The following ATG10 variants were observed in gnomAD, a reference collection of about 807,000 sequenced individuals.
ATG10 encodes the protein autophagy related 10, also known as ubiquitin-like-conjugating enzyme ATG10.
In ATG10, 30 loss-of-function variants were observed where a neutral mutation model predicts 32.1. That is an observed-to-expected ratio of 0.94 (90% confidence interval 0.70 to 1.27). The LOEUF (loss-of-function observed/expected upper bound fraction) is 1.27, where lower values mean the gene tolerates loss of function less well. Among genes scored for constraint, ATG10 ranks in the 50% most tolerant of loss-of-function variants. The probability of loss-of-function intolerance (pLI) is 0.00; values close to 1 mark genes in which losing one functional copy is unlikely to be tolerated. For synonymous variants in ATG10, 87 were observed against 91.5 expected, an observed-to-expected ratio of 0.95 and a Z score of 0.28; for missense variants, 233 against 262.3, an observed-to-expected ratio of 0.89 and a Z score of 0.77.
intron 2 of ATG10, among the ~76,000 whole-genome samples, chr5:81,993,312 T>TTTCCTTCC (rs1387031471): frequency 8.9e-6 from 1 of 112,504 alleles, no homozygotes; most frequent in East Asian, 3.0e-4. Flanking sequence ...CTTTCTTTCC[T>TTTCCTTCC]TTCTTTCTTT....
intron 2 of ATG10, among the ~76,000 whole-genome samples, chr5:82,025,374 C>G (rs776216908): frequency 6.6e-6 from 1 of 152,144 alleles, no homozygotes; most frequent in Non-Finnish European, 1.5e-5. Context: ...TTTGTAGCTA[C>G]TCTATGGGTT....
At chr5:82,133,565 C>G (rs1766623419) in intron 3 of ATG10, among the ~76,000 whole-genome samples, 1 of 151,988 alleles carries the variant, frequency 6.6e-6, no homozygotes, top group African/African-American at 2.4e-5. Flanking sequence ...GGCCTCTGTT[C>G]TGTTCCATTG....
chr5:82,085,570 A>G (rs1354126956), intron 3 of ATG10, among the ~76,000 whole-genome samples: 3 of 151,894 alleles, frequency 2.0e-5, no homozygotes, highest in Non-Finnish European at 4.4e-5. Flanking sequence ...GCACACCAAC[A>G]TGGCACGTGT....
At chr5:82,234,310 G>C (rs994404306) in intron 5 of ATG10, among the ~76,000 whole-genome samples, 1 of 152,144 alleles carries the variant, frequency 6.6e-6, no homozygotes, top group Non-Finnish European at 1.5e-5. Context: ...AGCATATTGG[G>C]GGAGAGACCC....
At chr5:82,100,000 G>GGTT (rs1765206299) in intron 3 of ATG10, among the ~76,000 whole-genome samples, 1 of 58,940 alleles carries the variant, frequency 1.7e-5, no homozygotes, top group Non-Finnish European at 3.1e-5. Context: ...CTTTTTCTGT[G>GGTT]TTTTTTTTTT....
At chr5:82,186,268 G>A (rs1008365332) in intron 5 of ATG10, among the ~76,000 whole-genome samples, 1 of 152,206 alleles carries the variant, frequency 6.6e-6, no homozygotes, top group Non-Finnish European at 1.5e-5. Flanking sequence ...AGTATTAGCT[G>A]TGGGTATTAA....
intron 3 of ATG10, among the ~76,000 whole-genome samples, chr5:82,076,857 C>G (rs567157833): frequency 6.6e-6 from 1 of 152,138 alleles, no homozygotes; most frequent in African/African-American, 2.4e-5. Context: ...CAGGTACATT[C>G]TGGTTGTTTA....
intron 5 of ATG10, among the ~76,000 whole-genome samples, chr5:82,236,655 T>C (rs1233331578): frequency 6.6e-6 from 1 of 152,212 alleles, no homozygotes; most frequent in Non-Finnish European, 1.5e-5. Flanking sequence ...GAAAGCCTGG[T>C]GGTGTCTGTG....
At chr5:82,234,023 A>C (rs542971131) in intron 5 of ATG10, among the ~76,000 whole-genome samples, 185 of 152,328 alleles carry the variant, frequency 1.2e-3, no homozygotes, top group Middle Eastern at 3.4e-3. Flanking sequence ...TTGGGCTTCC[A>C]GGGGCACAGA....
Position 82,254,733 on chromosome 5 carries a change from G to A in ATG10, c.*670G>A, listed in dbSNP as rs1419216769. ...GAGATTGAGGGAGAAATGTATTTGT[G>A]TGTTCATTTTAATGTAAGATATATA... On this transcript the variant is annotated 3_prime_UTR_variant, in exon 8 of 8. Transcript: ENST00000282185. 1 of 152,054 alleles carries A rather than the reference G, an allele frequency of 6.6e-6. No homozygotes were observed. The highest frequency in any genetic ancestry group is 1.5e-5 in the Non-Finnish European group (1 of 68,018). The allele number at this position is 152,054 out of a possible 1,614,324, so 9.4% of individuals were successfully genotyped here.
At chr5:82,070,870 A>T (rs1044160478) in intron 3 of ATG10, among the ~76,000 whole-genome samples, 1 of 152,122 alleles carries the variant, frequency 6.6e-6, no homozygotes, top group African/African-American at 2.4e-5. Context: ...CTTCTACCAA[A>T]ATCAAGCTAT....
intron 3 of ATG10, among the ~76,000 whole-genome samples, chr5:82,088,912 T>C (rs1764784997): frequency 6.6e-6 from 1 of 152,168 alleles, no homozygotes; most frequent in South Asian, 2.1e-4. Context: ...ATAAAATTCA[T>C]TGTAGATGTA....
At chr5:82,111,843 G>T (rs1437881299) in intron 3 of ATG10, among the ~76,000 whole-genome samples, 1 of 151,812 alleles carries the variant, frequency 6.6e-6, no homozygotes, top group Non-Finnish European at 1.5e-5. Flanking sequence ...AATGTGAAAG[G>T]ACAAATTACA....
intron 4 of ATG10, among the ~76,000 whole-genome samples, chr5:82,174,576 T>C (rs1391682270): frequency 6.6e-6 from 1 of 152,208 alleles, no homozygotes; most frequent in Non-Finnish European, 1.5e-5. Flanking sequence ...TCCTTTGATT[T>C]AAACCTATTT....
At chr5:82,079,543 G>A (rs1764401432) in intron 3 of ATG10, among the ~76,000 whole-genome samples, 1 of 151,890 alleles carries the variant, frequency 6.6e-6, no homozygotes, top group Non-Finnish European at 1.5e-5. Flanking sequence ...AGGCCCCAGT[G>A]TGTGATGTTC....
chr5:81,998,599 G>A (rs1056133972), intron 2 of ATG10, among the ~76,000 whole-genome samples: 3 of 152,150 alleles, frequency 2.0e-5, no homozygotes, highest in Non-Finnish European at 4.4e-5. Flanking sequence ...GTGGCAAGTT[G>A]GGTAAAGAAG....
At chr5:81,980,769 T>G (rs761309460) in intron 1 of ATG10, among the ~76,000 whole-genome samples, 7 of 152,080 alleles carry the variant, frequency 4.6e-5, no homozygotes, top group Non-Finnish European at 8.8e-5. Flanking sequence ...GGGCTTTACC[T>G]TCCACATCTG....
intron 4 of ATG10, among the ~76,000 whole-genome samples, chr5:82,170,269 T>A (rs1420972514): frequency 6.6e-6 from 1 of 152,242 alleles, no homozygotes; most frequent in Non-Finnish European, 1.5e-5. Flanking sequence ...TGAGCCCTGT[T>A]TGAAATACCT....
At chr5:82,039,079 C>G (rs1763013054) in intron 2 of ATG10, among the ~76,000 whole-genome samples, 1 of 152,188 alleles carries the variant, frequency 6.6e-6, no homozygotes. Context: ...CTCCTGGCCT[C>G]AAGCAGTCCT....
Sources: allele counts gnomAD v4.1 joint callset (sites outside exome capture counted in the v4.1 genomes callset), GRCh38; gene constraint gnomAD v4.1.1; transcripts MANE v1.5; gene names NCBI Gene and HGNC (gene_info 2026-07-23, HGNC 2026-07-21).